ERI3: variants seen among roughly 807,000 people sequenced by gnomAD.
ERI3 encodes the protein ERI1 exoribonuclease 3.
A neutral mutation model predicts 44.4 loss-of-function variants in ERI3; 18 were observed. The ratio of observed to expected loss-of-function variants is 0.41; its 90% CI spans 0.28 to 0.60. The LOEUF is 0.60. Ranked by LOEUF, ERI3 falls within the 20% of genes least tolerant of loss-of-function variation. ERI3 has a pLI of 0.36. For missense variants in ERI3, 294 were observed against 435.5 expected (o/e 0.68, Z 2.89); for synonymous variants, 183 against 164.8 (o/e 1.11, Z -0.84).
Position 44,228,852 on chromosome 1 carries a change from T to C in ERI3, c.932-7212A>G, listed in dbSNP as rs991060735. Among the ~76,000 whole-genome samples the C allele has an allele frequency of 2.6e-5, 4 of 152,336 alleles. No homozygotes were observed. In the South Asian group the frequency reaches 8.3e-4, roughly 32 times the overall value. On this transcript the variant is annotated intron_variant, in intron 8 of 8. Transcript: ENST00000372257. The surrounding 1 kb of genome is among the most constrained non-coding windows in gnomAD (Gnocchi z 4.3). ...CTCAGATTTGGCGAGGCAAAGGACA[T>C]GATTGGTCCCAAATGCCAAAGATGA... is the stretch of plus-strand genomic sequence containing the variant.
At chr1:44,342,686 G>A (rs1212607424) in intron 2 of ERI3, among the ~76,000 whole-genome samples, 3 of 147,624 alleles carry the variant, frequency 2.0e-5, no homozygotes, top group Non-Finnish European at 4.5e-5. Flanking sequence ...TTGCTCTGTT[G>A]CCCAGGCTGC....
intron 6 of ERI3, among the ~76,000 whole-genome samples, chr1:44,288,071 G>A (rs1645430866): frequency 6.6e-6 from 1 of 152,124 alleles, no homozygotes; most frequent in Non-Finnish European, 1.5e-5. Flanking sequence ...CCACTGCCTA[G>A]GAAGGGTCTA....
chr1:44,302,255 C>T (rs1301829205), intron 6 of ERI3, among the ~76,000 whole-genome samples: 1 of 152,220 alleles, frequency 6.6e-6, no homozygotes, highest in Non-Finnish European at 1.5e-5. Context: ...TTGCTAAGCC[C>T]TATTTGGCAA....
chr1:44,293,294 G>A (rs1645546209), intron 6 of ERI3, among the ~76,000 whole-genome samples: 1 of 152,236 alleles, frequency 6.6e-6, no homozygotes, highest in Non-Finnish European at 1.5e-5. Flanking sequence ...TGAGCCCCAA[G>A]GTGAGGCCGG....
chr1:44,310,124 G>C (rs754445379), intron 5 of ERI3, among the ~76,000 whole-genome samples: 2 of 152,194 alleles, frequency 1.3e-5, no homozygotes, highest in Non-Finnish European at 2.9e-5. Flanking sequence ...CTGAGAAGGG[G>C]AGAAAGGCAG....
At chr1:44,291,684 C>T (rs1418305108) in intron 6 of ERI3, among the ~76,000 whole-genome samples, 4 of 152,184 alleles carry the variant, frequency 2.6e-5, no homozygotes, top group Non-Finnish European at 5.9e-5. Flanking sequence ...AGAAGATGTC[C>T]AGGTTGTTTT....
chr1:44,248,936 G>A (rs1396195047), intron 7 of ERI3, among the ~76,000 whole-genome samples: 1 of 152,028 alleles, frequency 6.6e-6, no homozygotes, highest in African/African-American at 2.4e-5. Context: ...CTGGGGGGGG[G>A]ACACACGGCA....
intron 8 of ERI3, 55 bp downstream of exon 8, chr1:44,247,884 A>G: frequency 7.0e-7 from 1 of 1,432,880 alleles, no homozygotes; most frequent in Non-Finnish European, 9.7e-7. Flanking sequence ...GGACTGGGGC[A>G]CGCGGGCAAG....
At chr1:44,236,752 C>T (rs1299359452) in intron 8 of ERI3, among the ~76,000 whole-genome samples, 1 of 152,000 alleles carries the variant, frequency 6.6e-6, no homozygotes, top group Non-Finnish European at 1.5e-5. Flanking sequence ...GACAGGGACT[C>T]CCCCTAAGCT....
intron 4 of ERI3, among the ~76,000 whole-genome samples, 168 bp from the exon 5 acceptor site, chr1:44,313,396 A>G (rs1646014961): frequency 6.6e-6 from 1 of 152,152 alleles, no homozygotes; most frequent in Non-Finnish European, 1.5e-5. Flanking sequence ...AAGTCCCAGG[A>G]CCCAGGACAC....
At chr1:44,239,817 G>T (rs756078304) in intron 8 of ERI3, among the ~76,000 whole-genome samples, 4 of 152,218 alleles carry the variant, frequency 2.6e-5, no homozygotes, top group Non-Finnish European at 5.9e-5. Flanking sequence ...GGGAGTGGAG[G>T]GAGCCGGCTG....
At chr1:44,324,601 C>T (rs1362143287) in intron 3 of ERI3, among the ~76,000 whole-genome samples, 1 of 151,432 alleles carries the variant, frequency 6.6e-6, no homozygotes, top group Non-Finnish European at 1.5e-5. Flanking sequence ...CCTGCCTCAG[C>T]CTCCCGAGTA....
intron 8 of ERI3, among the ~76,000 whole-genome samples, chr1:44,238,895 G>A (rs1264065671): frequency 6.6e-6 from 1 of 151,966 alleles, no homozygotes; most frequent in African/African-American, 2.4e-5. Context: ...ATGAAATTGG[G>A]GTTTCATTTA....
At chr1:44,333,181 C>T (rs1254972948) in intron 3 of ERI3, among the ~76,000 whole-genome samples, 1 of 152,218 alleles carries the variant, frequency 6.6e-6, no homozygotes, top group African/African-American at 2.4e-5. Context: ...CAAAATACTA[C>T]ACACGCCAGA....
intron 8 of ERI3, among the ~76,000 whole-genome samples, chr1:44,234,033 T>C (rs1232197387): frequency 6.6e-6 from 1 of 152,138 alleles, no homozygotes; most frequent in African/African-American, 2.4e-5. Flanking sequence ...ACTCTCACTT[T>C]TCATGCAATT....
At chr1:44,337,002 C>G (rs1646548283) in intron 3 of ERI3, among the ~76,000 whole-genome samples, 1 of 152,172 alleles carries the variant, frequency 6.6e-6, no homozygotes, top group Non-Finnish European at 1.5e-5. Context: ...TGCATGATGT[C>G]TTCAGCATTG....
chr1:44,342,812 AATATAT>A (rs59012227), intron 2 of ERI3, among the ~76,000 whole-genome samples: 626 of 30,872 alleles, frequency 0.02, 59 homozygotes, highest in South Asian at 0.036. Flanking sequence ...ACATCCAGCT[AATATAT>A]ATATATATAT....
chr1:44,320,598 G>C (rs1362277546), intron 3 of ERI3, among the ~76,000 whole-genome samples: 1 of 152,178 alleles, frequency 6.6e-6, no homozygotes, highest in African/African-American at 2.4e-5. Context: ...GTACCAGAGA[G>C]AAGAGGGAAA....
intron 7 of ERI3, among the ~76,000 whole-genome samples, chr1:44,258,659 G>A (rs1259644358): frequency 2.0e-5 from 3 of 152,154 alleles, no homozygotes; most frequent in Admixed American, 1.3e-4. Flanking sequence ...AAATCAGCAA[G>A]AAGGACCCAC....
Sources: allele counts gnomAD v4.1 joint callset (sites outside exome capture counted in the v4.1 genomes callset), GRCh38; gene constraint gnomAD v4.1.1; non-coding constraint Gnocchi (gnomAD v3.1); transcripts MANE v1.5; gene names NCBI Gene and HGNC (gene_info 2026-07-23, HGNC 2026-07-21).